Variants in GSN observed in about 807,000 individuals in gnomAD.
GSN encodes actin-depolymerizing factor.
GSN carries 56 observed loss-of-function variants against 85.7 expected under a neutral mutation model. That is an observed-to-expected ratio of 0.65 (90% CI 0.53 to 0.82). GSN has a LOEUF of 0.82. GSN is among the 40% of genes least tolerant of loss of function. GSN has a pLI of 0.00. For synonymous variants in GSN, 373 were observed against 399.1 expected (o/e 0.93, Z 0.78); for missense variants, 857 against 979.8 (o/e 0.87, Z 1.67).
At chr9:121,327,283 G>A in intron 13 of GSN, 25 bp from the exon 14 acceptor site, 1 of 1,606,808 alleles carries the variant, frequency 6.2e-7, no homozygotes, top group Non-Finnish European at 8.5e-7. Context: ...TCTGGTTCCT[G>A]ATTAACCAAG....
chr9:121,263,250 G>A (rs1345228316), upstream of GSN, among the ~76,000 whole-genome samples: 1 of 152,174 alleles, frequency 6.6e-6, no homozygotes, highest in African/African-American at 2.4e-5. Context: ...TGAGTGTGGA[G>A]TTGCGAGTAG....
At chr9:121,286,292 A>G (rs1449103477) in intron 2 of GSN, 3 of 716,086 alleles carry the variant, frequency 4.2e-6, no homozygotes, top group Non-Finnish European at 4.6e-6. Context: ...AACACCAGCC[A>G]GGCCCCCTGC....
intron 17 of GSN, 48 bp downstream of exon 17, chr9:121,331,496 G>A (rs752242633): frequency 9.6e-6 from 11 of 1,148,246 alleles, no homozygotes; most frequent in Non-Finnish European, 1.4e-5. Flanking sequence ...CGTTGCTTGT[G>A]GGGTGCTGGG....
intron 1 of GSN, among the ~76,000 whole-genome samples, chr9:121,272,126 A>G (rs2056067881): frequency 6.6e-6 from 1 of 152,128 alleles, no homozygotes; most frequent in Non-Finnish European, 1.5e-5. Flanking sequence ...CGTGTGTCAT[A>G]TTTCAGCCTG....
chr9:121,282,268 A>G, intron 2 of GSN: 1 of 597,722 alleles, frequency 1.7e-6, no homozygotes, highest in Non-Finnish European at 3.0e-6. Flanking sequence ...TGTGGACCCA[A>G]CGAGCTTGTA....
chr9:121,207,585 A>G (rs923401422), upstream of GSN, among the ~76,000 whole-genome samples: 4 of 152,216 alleles, frequency 2.6e-5, no homozygotes, highest in African/African-American at 9.6e-5. Flanking sequence ...CATGAGACCC[A>G]TGGAAGGTCA....
intron 2 of GSN, chr9:121,283,641 C>T (rs918703186): frequency 1.8e-5 from 3 of 166,866 alleles, no homozygotes; most frequent in Non-Finnish European, 4.4e-5. Context: ...AGGATTCTGC[C>T]CACCTTCTTG....
upstream of GSN, among the ~76,000 whole-genome samples, chr9:121,206,175 T>C (rs527496036): frequency 6.6e-6 from 1 of 152,314 alleles, no homozygotes; most frequent in East Asian, 1.9e-4. Flanking sequence ...AACGAATATA[T>C]TTTAATGTAG....
At chr9:121,272,686 A>G (rs1342553956) in intron 1 of GSN, among the ~76,000 whole-genome samples, 1 of 152,238 alleles carries the variant, frequency 6.6e-6, no homozygotes, top group Non-Finnish European at 1.5e-5. Context: ...GGGCCACCAT[A>G]TGTAACACAC....
At position 121,296,098 on chromosome 9, in the gene GSN, C is replaced by T. The variant is rs184188804; in HGVS notation, c.-9-5865C>T. 4.6e-5 allele frequency among the ~76,000 whole-genome samples: 7 copies of T among 152,328 alleles called. No individual in the cohort carries two copies. In the East Asian group the frequency reaches 7.7e-4, roughly 17 times the overall value. On this transcript the variant is annotated intron_variant, in intron 2 of 17. Transcript: ENST00000432226. Reference sequence around the variant, plus strand: ...GGAAGTGTCGTGGGGACAGCTGCTCCGGAGACTCCTGGCTGCCAGGCTTGA... The same window carrying T: ...GGAAGTGTCGTGGGGACAGCTGCTCTGGAGACTCCTGGCTGCCAGGCTTGA...
At chr9:121,307,187 A>AT (rs2060509336) in intron 4 of GSN, among the ~76,000 whole-genome samples, 1 of 152,238 alleles carries the variant, frequency 6.6e-6, no homozygotes, top group African/African-American at 2.4e-5. Flanking sequence ...TCTCAAAAAA[A>AT]AAAGAATTAT....
intron 6 of GSN, among the ~76,000 whole-genome samples, chr9:121,252,882 A>T (rs2054869803): frequency 6.6e-6 from 1 of 152,214 alleles, no homozygotes; most frequent in Non-Finnish European, 1.5e-5. Context: ...CTGGAGGTGG[A>T]AAGTAGCTTG....
intron 1 of GSN, among the ~76,000 whole-genome samples, chr9:121,276,999 G>T (rs1324049862): frequency 6.6e-6 from 1 of 152,068 alleles, no homozygotes; most frequent in East Asian, 1.9e-4. Flanking sequence ...TGTCTTGGTT[G>T]TGTGGTCTTG....
At chr9:121,252,740 G>C (rs1273784832) in intron 6 of GSN, among the ~76,000 whole-genome samples, 1 of 152,188 alleles carries the variant, frequency 6.6e-6, no homozygotes, top group African/African-American at 2.4e-5. Flanking sequence ...ACATGCATTG[G>C]ATATGTGTCA....
chr9:121,310,650 C>G lies in GSN; in HGVS notation c.352-34C>G, dbSNP rs376163698. ...CCATATCTGCTTCCCTGGGCCTTCT[C>G]CCCTGGGCTAATGCTGTCTCTTTGG... On this transcript the variant is annotated intron_variant, in intron 4 of 17. Coordinates refer to ENST00000432226, the MANE Select transcript of GSN (RefSeq NM_198252.3). 32 of 1,609,948 alleles carry G rather than the reference C, an allele frequency of 2.0e-5. No homozygotes were observed. In the African/African-American group the frequency reaches 3.5e-4, roughly 17 times the overall value.
intron 2 of GSN, chr9:121,282,467 A>G: frequency 7.9e-7 from 1 of 1,272,556 alleles, no homozygotes; most frequent in Non-Finnish European, 1.0e-6. Context: ...TACAGGACTT[A>G]CGCGTCTGCT....
chr9:121,259,469 A>G (rs1424249111), intron 6 of GSN, among the ~76,000 whole-genome samples: 2 of 152,138 alleles, frequency 1.3e-5, no homozygotes, highest in Non-Finnish European at 2.9e-5. Flanking sequence ...AAACAGGGGG[A>G]AAGTATTAGG....
rs752677417 is a variant in GSN, at chr9:121,302,047, G to A, written c.76G>A (p.Asp26Asn). The A allele has an allele frequency of 1.4e-5, 22 of 1,614,116 alleles. No homozygotes were observed. The highest frequency in any genetic ancestry group is 8.3e-5 in the Admixed American group (5 of 60,008). ...GLQIWRVEKF[D>N]LVPVPTNLYG... ...GCAGATCTGGCGTGTGGAGAAGTTC[G>A]ATCTGGTGCCCGTGCCCACCAACCT... Residue 26 changes from aspartate to asparagine, a missense_variant, in exon 3 of 18, where the codon GAT (aspartate) becomes AAT (asparagine). Physicochemically the swap from Asp to Asn is conservative, Grantham distance 23 (BLOSUM62 1). Coordinates refer to ENST00000432226, the MANE Select transcript of GSN (RefSeq NM_198252.3).
Position 121,299,377 on chromosome 9 carries a change from T to A in GSN, c.-9-2586T>A. 2 of 971,936 alleles carry A rather than the reference T, an allele frequency of 2.1e-6. No individual in the cohort carries two copies. The highest frequency in any genetic ancestry group is 9.5e-5 in the South Asian group (2 of 21,022). 60.2% of individuals were successfully genotyped at this position (971,936 alleles called of 1,614,324 possible). A position where few individuals can be genotyped will look rare whatever the true frequency, so the allele number is the denominator to read the frequency against. On this transcript the variant is annotated intron_variant, in intron 2 of 17. Transcript: ENST00000432226. The surrounding 1 kb of genome is among the most constrained non-coding windows in gnomAD (Gnocchi z 4.2). ...TCCCGGCAGCACCATTTACAAGCTG[T>A]GTGCAAGTTGCTTCACCACTCTGCG...
Sources: allele counts gnomAD v4.1 joint callset (sites outside exome capture counted in the v4.1 genomes callset), GRCh38; gene constraint gnomAD v4.1.1; non-coding constraint Gnocchi (gnomAD v3.1); transcripts MANE v1.5; gene names NCBI Gene and HGNC (gene_info 2026-07-23, HGNC 2026-07-21).